The following POFUT3 variants were observed in gnomAD, a reference collection of about 807,000 sequenced individuals.
The protein encoded by POFUT3 is protein O-fucosyltransferase 3.
the POFUT3 span, among the ~76,000 whole-genome samples, chr8:33,456,974 C>G: frequency 1.3e-5 from 2 of 151,880 alleles, no homozygotes; most frequent in African/African-American, 4.8e-5. Flanking sequence ...TTTCACCATG[C>G]TGGCCAGGAT....
the POFUT3 span, among the ~76,000 whole-genome samples, chr8:33,468,936 G>C: frequency 5.3e-5 from 8 of 152,184 alleles, no homozygotes; most frequent in Non-Finnish European, 8.8e-5. Context: ...TAATAAGCTA[G>C]AGGTAATACC....
chr8:33,359,861 C>T, the POFUT3 span, among the ~76,000 whole-genome samples: 1 of 151,478 alleles, frequency 6.6e-6, no homozygotes, highest in African/African-American at 2.4e-5. Flanking sequence ...CAAAAATTAG[C>T]CAGGCTTGAT....
At chr8:33,372,270 C>T in the POFUT3 span, 6 of 1,082,738 alleles carry the variant, frequency 5.5e-6, no homozygotes, top group Non-Finnish European at 6.7e-6. Context: ...CTCCATTGCA[C>T]AAGGAAAGTA....
chr8:33,436,641 T>C, the POFUT3 span: 169 of 869,304 alleles, frequency 1.9e-4, no homozygotes, highest in Non-Finnish European at 2.9e-4. Context: ...GCTAGAAGAG[T>C]GAGCGAATCT....
At chr8:33,428,890 T>C in the POFUT3 span, among the ~76,000 whole-genome samples, 3 of 152,208 alleles carry the variant, frequency 2.0e-5, no homozygotes, top group Non-Finnish European at 2.9e-5. Flanking sequence ...TAAATTTCTG[T>C]TGCATATTAA....
At chr8:33,415,218 C>G in the POFUT3 span, among the ~76,000 whole-genome samples, 1 of 152,016 alleles carries the variant, frequency 6.6e-6, no homozygotes, top group Non-Finnish European at 1.5e-5. Context: ...GCCAAGATCA[C>G]GTCACTACAC....
chr8:33,345,284 A>G, the POFUT3 span, among the ~76,000 whole-genome samples: 1 of 152,306 alleles, frequency 6.6e-6, no homozygotes, highest in East Asian at 1.9e-4. Flanking sequence ...ACTAAAATTC[A>G]AAAGAGCTCG....
the POFUT3 span, among the ~76,000 whole-genome samples, chr8:33,356,112 A>T: frequency 6.6e-6 from 1 of 152,190 alleles, no homozygotes; most frequent in African/African-American, 2.4e-5. Flanking sequence ...TGCTATTGTG[A>T]ATAGAGCCGC....
the POFUT3 span, among the ~76,000 whole-genome samples, chr8:33,382,535 A>G: frequency 6.6e-6 from 1 of 152,186 alleles, no homozygotes; most frequent in Admixed American, 6.5e-5. Flanking sequence ...GCAGCGGGAA[A>G]GCAGAAAAGC....
At chr8:33,373,369 C>T in the POFUT3 span, among the ~76,000 whole-genome samples, 1 of 152,176 alleles carries the variant, frequency 6.6e-6, no homozygotes, top group East Asian at 1.9e-4. Context: ...ACAACTAATC[C>T]CTGTTTTTAA....
At chr8:33,314,634 T>G in the POFUT3 span, among the ~76,000 whole-genome samples, 1 of 152,200 alleles carries the variant, frequency 6.6e-6, no homozygotes, top group Non-Finnish European at 1.5e-5. Flanking sequence ...TAGCTTCCAT[T>G]TGGGGTTAGA....
chr8:33,461,728 G>A, the POFUT3 span: 10 of 1,257,662 alleles, frequency 8.0e-6, no homozygotes, highest in Admixed American at 2.8e-5. Flanking sequence ...AAAAAATTCT[G>A]CAACAAAAGA....
chr8:33,378,533 C>T, the POFUT3 span, among the ~76,000 whole-genome samples: 2 of 152,094 alleles, frequency 1.3e-5, no homozygotes, highest in Non-Finnish European at 2.9e-5. Context: ...CCCCTGAGAC[C>T]CAGGAATCCA....
the POFUT3 span, among the ~76,000 whole-genome samples, chr8:33,414,811 C>T: frequency 6.6e-6 from 1 of 151,966 alleles, no homozygotes; most frequent in Non-Finnish European, 1.5e-5. Context: ...GAAAAACTCC[C>T]AAGAGTTGAC....
At chr8:33,425,454 G>A in the POFUT3 span, among the ~76,000 whole-genome samples, 1 of 152,272 alleles carries the variant, frequency 6.6e-6, no homozygotes, top group African/African-American at 2.4e-5. Flanking sequence ...TGAAATTGAA[G>A]GATGAGTGGA....
At chr8:33,428,367 C>T in the POFUT3 span, among the ~76,000 whole-genome samples, 3 of 152,066 alleles carry the variant, frequency 2.0e-5, no homozygotes, top group African/African-American at 7.2e-5. Flanking sequence ...TTTTTAAATC[C>T]CTTCAAGGGA....
chr8:33,361,909 T>TA, the POFUT3 span, among the ~76,000 whole-genome samples: 7 of 151,280 alleles, frequency 4.6e-5, no homozygotes, highest in East Asian at 1.9e-4. Context: ...TTTTCAAATT[T>TA]AAAAAAAAAT....
At chr8:33,356,520 T>G in the POFUT3 span, among the ~76,000 whole-genome samples, 5 of 149,806 alleles carry the variant, frequency 3.3e-5, no homozygotes, top group Admixed American at 6.6e-5. Flanking sequence ...GATGGGGTTG[T>G]TTTTTTTTTC....
the POFUT3 span, among the ~76,000 whole-genome samples, chr8:33,342,321 CA>C: frequency 6.6e-6 from 1 of 152,044 alleles, no homozygotes; most frequent in African/African-American, 2.4e-5. Context: ...TGTACCACTG[CA>C]CTCCAGCCTA....
Sources: gnomAD v4.1 joint callset for allele counts (sites outside exome capture counted in the v4.1 genomes callset) on GRCh38, gnomAD v4.1.1 for gene constraint, MANE v1.5 for transcripts, NCBI Gene and HGNC (gene_info 2026-07-23, HGNC 2026-07-21) for gene names.